MKRN2OS: variants seen among roughly 807,000 people sequenced by gnomAD.
The protein encoded by MKRN2OS is MKRN2 opposite strand, also known as MKRN2 opposite strand protein.
In MKRN2OS, 17 loss-of-function variants were observed where a neutral mutation model predicts 18.2. That is an observed-to-expected ratio of 0.93 (90% CI 0.64 to 1.40). MKRN2OS has a LOEUF of 1.40. MKRN2OS is among the 40% of genes most tolerant of loss of function. MKRN2OS has a pLI of 0.00. For missense variants in MKRN2OS, 337 were observed against 283.0 expected, an observed-to-expected ratio of 1.19 and a Z score of -1.37; for synonymous variants, 121 against 108.5, an observed-to-expected ratio of 1.12 and a Z score of -0.72.
chr3:12,549,005 C>T (rs1487413648), upstream of MKRN2OS, among the ~76,000 whole-genome samples: 1 of 151,984 alleles, frequency 6.6e-6, no homozygotes, highest in African/African-American at 2.4e-5. Flanking sequence ...CGTGATCTTG[C>T]CTCACTGCAA....
upstream of MKRN2OS, chr3:12,545,683 T>C (rs1010768576): frequency 7.8e-6 from 3 of 384,286 alleles, no homozygotes; most frequent in African/African-American, 6.2e-5. Context: ...TTCCATTGTT[T>C]ATGGTAACTG....
rs982377097 is a variant in MKRN2OS, at chr3:12,540,191, T to G, written c.*2A>C. On this transcript the variant is annotated 3_prime_UTR_variant, in exon 4 of 4. Coordinates refer to ENST00000564146, the MANE Select transcript of MKRN2OS (RefSeq NM_001195279.2). ...AGCGTCCAGGCTGCGCTTACATAGC[T>G]CTCAGCACAAACCGCCGCCCTCAGG... The G allele has an allele frequency of 1.3e-6, 2 of 1,536,008 alleles. No individual in the cohort carries two copies. Among genetic ancestry groups the G allele is most frequent in the African/African-American group, 2.7e-5 (2 of 73,036 alleles).
chr3:12,555,982 C>A (rs527924141), intron 1 of MKRN2OS, among the ~76,000 whole-genome samples: 8 of 149,174 alleles, frequency 5.4e-5, no homozygotes, highest in Admixed American at 5.3e-4. Flanking sequence ...ACAAAAAATT[C>A]TTTATTTTGA....
chr3:12,546,267 C>G (rs1164453938), upstream of MKRN2OS, among the ~76,000 whole-genome samples: 2 of 151,930 alleles, frequency 1.3e-5, no homozygotes, highest in Non-Finnish European at 2.9e-5. Context: ...AGTAATTTTG[C>G]TTATAAAAAA....
chr3:12,547,218 G>A (rs1279080370), upstream of MKRN2OS, among the ~76,000 whole-genome samples: 1 of 152,154 alleles, frequency 6.6e-6, no homozygotes, highest in Non-Finnish European at 1.5e-5. Context: ...TCTACTTTCT[G>A]GAGAAAATTA....
intron 1 of MKRN2OS, among the ~76,000 whole-genome samples, chr3:12,554,413 C>T (rs1460718681): frequency 1.3e-5 from 2 of 151,866 alleles, no homozygotes; most frequent in Admixed American, 6.6e-5. Context: ...TTGGGTACAG[C>T]TTGTGGAAGT....
upstream of MKRN2OS, among the ~76,000 whole-genome samples, chr3:12,548,116 C>G (rs1281254195): frequency 6.6e-6 from 1 of 151,960 alleles, no homozygotes; most frequent in African/African-American, 2.4e-5. Context: ...TCAAGACCAT[C>G]CTGACCAATA....
At chr3:12,543,885 C>T (rs2057850222) in intron 1 of MKRN2OS, among the ~76,000 whole-genome samples, 1 of 117,236 alleles carries the variant, frequency 8.5e-6, no homozygotes, top group Non-Finnish European at 1.7e-5. Context: ...GAGTAAGACC[C>T]TGGTCTCAAA....
At chr3:12,552,272 C>T (rs1396743710), downstream of MKRN2OS, among the ~76,000 whole-genome samples, 2 of 151,276 alleles carry the variant, frequency 1.3e-5, no homozygotes, top group African/African-American at 2.4e-5. Flanking sequence ...GAGCTGAGAT[C>T]GTGCCGCTGC....
chr3:12,542,724 A>AC (rs1399559838), intron 2 of MKRN2OS, among the ~76,000 whole-genome samples: 39 of 133,820 alleles, frequency 2.9e-4, no homozygotes, highest in Non-Finnish European at 5.2e-4. Context: ...AAAAAAAAAA[A>AC]AAAAAAAAAA....
downstream of MKRN2OS, among the ~76,000 whole-genome samples, chr3:12,552,117 A>G (rs2057933836): frequency 6.6e-6 from 1 of 152,004 alleles, no homozygotes; most frequent in African/African-American, 2.4e-5. Flanking sequence ...CAGGAGTTCA[A>G]GACCAGCCTG....
chr3:12,545,955 C>T (rs562955967), upstream of MKRN2OS, among the ~76,000 whole-genome samples: 14 of 152,222 alleles, frequency 9.2e-5, no homozygotes, highest in Admixed American at 2.6e-4. Flanking sequence ...TACAGACACA[C>T]GCCACTATAC....
At chr3:12,555,799 A>C (rs1316597064) in intron 1 of MKRN2OS, among the ~76,000 whole-genome samples, 1 of 152,136 alleles carries the variant, frequency 6.6e-6, no homozygotes, top group Admixed American at 6.5e-5. Flanking sequence ...TGCTCAAAGG[A>C]TCCTTCCGGC....
intron 1 of MKRN2OS, among the ~76,000 whole-genome samples, chr3:12,559,414 C>T (rs551508628): frequency 3.3e-5 from 5 of 152,022 alleles, no homozygotes; most frequent in African/African-American, 1.2e-4. Flanking sequence ...GCAGCGTGTG[C>T]GGTTTTTTGT....
At chr3:12,557,190 A>T in intron 1 of MKRN2OS, 2 of 1,534,856 alleles carry the variant, frequency 1.3e-6, no homozygotes, top group Non-Finnish European at 1.8e-6. Context: ...AGTGCGCTGG[A>T]GCCAGGAGCT....
At chr3:12,552,312 T>C (rs2057935327), downstream of MKRN2OS, among the ~76,000 whole-genome samples, 1 of 144,930 alleles carries the variant, frequency 6.9e-6, no homozygotes, top group South Asian at 2.2e-4. Flanking sequence ...AACAAGACCA[T>C]CTCAAAAAAA....
chr3:12,549,082 C>T (rs34741626), upstream of MKRN2OS, among the ~76,000 whole-genome samples: 26,210 of 151,672 alleles, frequency 0.17, 2,635 homozygotes, highest in African/African-American at 0.25. Context: ...CTACAGGCAC[C>T]CACCATCACA....
At chr3:12,545,766 TC>T (rs1367189553), upstream of MKRN2OS, among the ~76,000 whole-genome samples, 1 of 152,206 alleles carries the variant, frequency 6.6e-6, no homozygotes, top group Non-Finnish European at 1.5e-5. Flanking sequence ...CCCCCAGTCT[TC>T]CCTTGCAGTG....
rs748899586 is a variant in MKRN2OS, at chr3:12,540,313, C to T, written c.552G>A (p.Pro184=). 7.2e-6 allele frequency: 11 copies of T among 1,536,004 alleles called. No individual in the cohort carries two copies. Among genetic ancestry groups the T allele is most frequent in the South Asian group, 3.6e-5 (3 of 84,060 alleles). ...TGAACTTGGATGCCAGCCTTGTCCG[C>T]GGGACCACGTACTTCTCCGTAAATT... ...KGEFTEKYVV[P]RTRLASKFIT... is the part of the protein sequence containing the mutation. Residue 184 remains proline (P), a synonymous_variant, in exon 4 of 4, where the codon CCG becomes CCA. Coordinates refer to ENST00000564146, the MANE Select transcript of MKRN2OS (RefSeq NM_001195279.2).
Sources: allele counts gnomAD v4.1 joint callset (sites outside exome capture counted in the v4.1 genomes callset), GRCh38; gene constraint gnomAD v4.1.1; transcripts MANE v1.5; gene names NCBI Gene and HGNC (gene_info 2026-07-23, HGNC 2026-07-21).